UBE3B: variants seen among roughly 807,000 people sequenced by gnomAD.
UBE3B encodes ubiquitin protein ligase E3B, also known as ubiquitin-protein ligase E3B.
In UBE3B, 80 loss-of-function variants were observed where a neutral mutation model predicts 132.3. That is an observed-to-expected ratio of 0.60 (90% CI 0.50 to 0.73). UBE3B has a LOEUF of 0.73. UBE3B is among the 30% of genes least tolerant of loss of function. The probability of loss-of-function intolerance (pLI) is 0.00; values close to 1 mark genes in which losing one functional copy is unlikely to be tolerated. For missense variants in UBE3B, 1,196 were observed against 1,362.5 expected, an observed-to-expected ratio of 0.88 and a Z score of 1.92; for synonymous variants, 487 against 520.4, an observed-to-expected ratio of 0.94 and a Z score of 0.87.
chr12:109,521,621 CAT>C lies in UBE3B; in HGVS notation c.2364+73_2364+74del. ...GGTACCATGGGCTTCTTCACATACA[CAT>C]ATGTGATCAGGCTTGGCCATGTAAA... On this transcript the variant is annotated intron_variant, in intron 21 of 27. Coordinates refer to ENST00000342494, the MANE Select transcript of UBE3B (RefSeq NM_130466.4). The surrounding 1 kb of genome is among the most constrained non-coding windows in gnomAD (Gnocchi z 4.2). The C allele has an allele frequency of 7.5e-7, 1 of 1,333,694 alleles. No homozygotes were observed. Among genetic ancestry groups the C allele is most frequent in the Non-Finnish European group, 1.0e-6 (1 of 972,754 alleles). The allele number at this position is 1,333,694 out of a possible 1,614,324, so 82.6% of individuals were successfully genotyped here.
chr12:109,530,032 A>G lies in UBE3B; in HGVS notation c.2770A>G (p.Ile924Val), dbSNP rs769709514. The G allele has an allele frequency of 6.2e-7, 1 of 1,613,746 alleles. No individual in the cohort carries two copies. Among genetic ancestry groups the G allele is most frequent in the South Asian group, 1.1e-5 (1 of 91,060 alleles). ...CTCAACTCCTGAACTGCAGCGTCTCATCTCTGGCGACAATGCTGAGATTGA... is the reference window on the plus strand; with the variant it reads ...CTCAACTCCTGAACTGCAGCGTCTCGTCTCTGGCGACAATGCTGAGATTGA... ...MFSTPELQRL[I>V]SGDNAEIDLE... Residue 924 changes from isoleucine to valine, a missense_variant, in exon 25 of 28, where the codon ATC becomes GTC. By Grantham distance (29) the Ile-to-Val change is conservative. Transcript: ENST00000342494.
chr12:109,529,174 ATAAAAAG>A (rs1443038438), intron 24 of UBE3B, among the ~76,000 whole-genome samples: 1 of 152,244 alleles, frequency 6.6e-6, no homozygotes, highest in Non-Finnish European at 1.5e-5. Flanking sequence ...ACATAAATAA[ATAAAAAG>A]AAAAAAGAAA....
rs931189064 is a variant in UBE3B, at chr12:109,486,480, G to A, written c.352G>A (p.Val118Met). ...DAENEPKVWY[V>M]SLACSKDLTL... ...TTTTTCCCACCTATAGGTGTGGTAT[G>A]TGTCCCTGGCTTGTTCTAAGGACCT... The change falls in exon 6 of 28, where the codon GTG (valine) becomes ATG (methionine). Residue 118 changes from valine to methionine, a missense_variant. Transcript: ENST00000342494. The A allele has an allele frequency of 3.2e-6, 5 of 1,585,952 alleles. No individual in the cohort carries two copies. The African/African-American group carries it at 5.5e-5, about 18-fold the overall frequency.
intron 18 of UBE3B, among the ~76,000 whole-genome samples, chr12:109,513,210 CTG>C (rs1880590236): frequency 6.6e-6 from 1 of 152,128 alleles, no homozygotes; most frequent in African/African-American, 2.4e-5. Context: ...ACCCGCGTGT[CTG>C]TGAAATCAGC....
rs190205149 is a variant in UBE3B at position 109,498,987 on chromosome 12, G to A, written c.940+634G>A. On this transcript the variant is annotated intron_variant, in intron 11 of 27. Transcript: ENST00000342494. ...ACTACAAGCGCACACTACCACGGCC[G>A]ACTAATTTTTGTATTTTTAGTGGAG... Among the ~76,000 whole-genome samples the A allele has an allele frequency of 2.8e-4, 43 of 151,946 alleles. No individual in the cohort carries two copies. The East Asian group carries it at 5.4e-3, about 19-fold the overall frequency.
In UBE3B at chr12:109,530,171, G is replaced by A. The variant is rs922279591; in HGVS notation, c.2810+99G>A. On this transcript the variant is annotated intron_variant, in intron 25 of 27. Transcript: ENST00000342494. ...TTTTAGAGAGTTGTTTTAGGAGCCT[G>A]TCTCCAGATCTCCTTCTCCTCCCTG... is the stretch of plus-strand genomic sequence containing the variant. The A allele has an allele frequency of 3.6e-6, 5 of 1,392,492 alleles. No individual in the cohort carries two copies. In the African/African-American group the frequency reaches 7.2e-5, roughly 20 times the overall value. 86.3% of individuals were successfully genotyped at this position (1,392,492 alleles called of 1,614,324 possible).
chr12:109,509,731 C>T lies in UBE3B; in HGVS notation c.1741+17C>T, dbSNP rs773359496. 1 of 1,562,756 alleles carries T rather than the reference C, an allele frequency of 6.4e-7. No individual in the cohort carries two copies. Among genetic ancestry groups the T allele is most frequent in the Non-Finnish European group, 8.7e-7 (1 of 1,146,974 alleles). On this transcript the variant is annotated intron_variant, in intron 16 of 27. Coordinates refer to ENST00000342494, the MANE Select transcript of UBE3B (RefSeq NM_130466.4). ...GAATTGTAGGTAAGAGAAAAGGTGTCTGCTGTTGTTTGGTTGATGCTGCAC... is the reference window on the plus strand; with the variant it reads ...GAATTGTAGGTAAGAGAAAAGGTGTTTGCTGTTGTTTGGTTGATGCTGCAC...
intron 26 of UBE3B, among the ~76,000 whole-genome samples, chr12:109,532,084 C>T (rs1031326263): frequency 7.2e-5 from 11 of 152,168 alleles, no homozygotes; most frequent in African/African-American, 1.2e-4. Context: ...CTGTGTCCTC[C>T]GCCCCTCCCC....
intron 19 of UBE3B, chr12:109,520,190 C>T (rs1305193394): frequency 1.3e-5 from 2 of 152,256 alleles, no homozygotes; most frequent in East Asian, 3.8e-4. Context: ...GGTGATTGGG[C>T]CTCTCAAGTC....
intron 23 of UBE3B, among the ~76,000 whole-genome samples, chr12:109,525,738 A>C (rs1380642951): frequency 6.6e-6 from 1 of 152,232 alleles, no homozygotes; most frequent in Non-Finnish European, 1.5e-5. Context: ...AAAGATAATG[A>C]AACTTCTAAC....
intron 9 of UBE3B, among the ~76,000 whole-genome samples, chr12:109,493,918 C>T (rs566133476): frequency 2.6e-5 from 4 of 152,260 alleles, no homozygotes; most frequent in East Asian, 1.9e-4. Context: ...CTCAAACTCC[C>T]GGGCTCAAGC....
intron 19 of UBE3B, chr12:109,519,687 G>T (rs566985579): frequency 3.9e-5 from 6 of 152,330 alleles, no homozygotes; most frequent in African/African-American, 1.4e-4. Flanking sequence ...AGGCAGAATG[G>T]TTTAAATGCT....
rs1882773965 is a variant in UBE3B, at chr12:109,529,949, C to T, written c.2687C>T (p.Thr896Ile). 2.5e-6 allele frequency: 4 copies of T among 1,614,228 alleles called. No homozygotes were observed. Among genetic ancestry groups the T allele is most frequent in the Non-Finnish European group, 3.4e-6 (4 of 1,180,048 alleles). Residue 896 changes from threonine (T) to isoleucine (I), a missense_variant, in exon 25 of 28, where the codon ACA (threonine) becomes ATA (isoleucine). Coordinates refer to ENST00000342494, the MANE Select transcript of UBE3B (RefSeq NM_130466.4). Reference protein sequence around the residue: ...FRMHTQIKNQTAALISGFRSI... With the variant: ...FRMHTQIKNQIAALISGFRSI... ...ATGCACACTCAAATAAAAAACCAAACAGCTGCCCTCATTAGCGGATTCCGT... is the reference window on the plus strand; with the variant it reads ...ATGCACACTCAAATAAAAAACCAAATAGCTGCCCTCATTAGCGGATTCCGT...
At chr12:109,511,425 A>C in intron 18 of UBE3B, 122 bp downstream of exon 18, 1 of 860,534 alleles carries the variant, frequency 1.2e-6, no homozygotes, top group South Asian at 1.6e-5. Flanking sequence ...CAGCACAAGG[A>C]AACGGTGGTT....
At position 109,530,608 on chromosome 12, in the gene UBE3B, G is replaced by A. The variant is rs1882842193; in HGVS notation, c.2872G>A (p.Asp958Asn). 3 of 1,614,192 alleles carry A rather than the reference G, an allele frequency of 1.9e-6. No homozygotes were observed. Among genetic ancestry groups the A allele is most frequent in the Non-Finnish European group, 2.5e-6 (3 of 1,180,030 alleles). The change falls in exon 26 of 28, where the codon GAT (aspartate) becomes AAT (asparagine). Residue 958 changes from aspartate to asparagine, a missense_variant. Asp to Asn is a conservative substitution (Grantham distance 23, BLOSUM62 1). Coordinates refer to ENST00000342494, the MANE Select transcript of UBE3B (RefSeq NM_130466.4). ...TCACAGAGTCATCATCTGGCTCTGG[G>A]ATATTCTGGCCTCCGACTTCACACC... The part of the protein sequence containing the change: ...GSHRVIIWLW[D>N]ILASDFTPDE...
intron 23 of UBE3B, 106 bp from the exon 24 acceptor site, chr12:109,526,252 A>G: frequency 4.3e-6 from 5 of 1,166,542 alleles, no homozygotes; most frequent in Non-Finnish European, 6.4e-6. Flanking sequence ...GTGCCATCTT[A>G]ATTCCATCAT....
At chr12:109,512,799 G>C (rs1338978138) in intron 18 of UBE3B, among the ~76,000 whole-genome samples, 1 of 152,178 alleles carries the variant, frequency 6.6e-6, no homozygotes, top group Non-Finnish European at 1.5e-5. Flanking sequence ...CAAACTCTCA[G>C]AAGTGAAGGG....
At chr12:109,500,099 C>G (rs987898369) in intron 12 of UBE3B, among the ~76,000 whole-genome samples, 3 of 152,134 alleles carry the variant, frequency 2.0e-5, no homozygotes, top group African/African-American at 7.2e-5. Context: ...TCCTTCCATT[C>G]AGCTATGGAC....
chr12:109,490,474 C>A, intron 8 of UBE3B: 1 of 1,535,412 alleles, frequency 6.5e-7, no homozygotes. Flanking sequence ...TTGACTTTGC[C>A]CTTCCTTCTC....
Sources: gnomAD v4.1 joint callset for allele counts (sites outside exome capture counted in the v4.1 genomes callset) on GRCh38, gnomAD v4.1.1 for gene constraint, Gnocchi (gnomAD v3.1) non-coding constraint, MANE v1.5 for transcripts, NCBI Gene and HGNC (gene_info 2026-07-23, HGNC 2026-07-21) for gene names.